TYW1B: variants seen among roughly 807,000 people sequenced by gnomAD.
TYW1B encodes the protein S-adenosyl-L-methionine-dependent tRNA 4-demethylwyosine synthase TYW1B.
TYW1B carries 73 observed loss-of-function variants against 86.9 expected under a neutral mutation model. That is an observed-to-expected ratio of 0.84 (90% CI 0.70 to 1.02). TYW1B has a LOEUF of 1.02. TYW1B is among the 50% of genes least tolerant of loss of function. The probability of loss-of-function intolerance (pLI) is 0.00; values close to 1 mark genes in which losing one functional copy is unlikely to be tolerated. For missense variants in TYW1B, 637 were observed against 827.4 expected (o/e 0.77, Z 2.82); for synonymous variants, 248 against 292.8 (o/e 0.85, Z 1.56).
intron 11 of TYW1B, among the ~76,000 whole-genome samples, chr7:72,672,292 G>A (rs1445043420): frequency 6.6e-6 from 1 of 151,918 alleles, no homozygotes; most frequent in Non-Finnish European, 1.5e-5. Context: ...AGTCTCGGGT[G>A]TGTCTTTATC....
chr7:72,661,819 T>G (rs1813335803), intron 11 of TYW1B, among the ~76,000 whole-genome samples: 1 of 151,952 alleles, frequency 6.6e-6, no homozygotes, highest in Non-Finnish European at 1.5e-5. Context: ...GGGCAGGTGG[T>G]AGTTTTTTTG....
At chr7:72,693,455 C>T (rs1814224513) in intron 11 of TYW1B, among the ~76,000 whole-genome samples, 1 of 145,908 alleles carries the variant, frequency 6.9e-6, no homozygotes, top group Non-Finnish European at 1.5e-5. Flanking sequence ...GTCACCCACA[C>T]TGGAGTGCAG....
intron 6 of TYW1B, among the ~76,000 whole-genome samples, chr7:72,788,328 C>G (rs1286372542): frequency 6.6e-6 from 1 of 152,098 alleles, no homozygotes; most frequent in Non-Finnish European, 1.5e-5. Context: ...AATACAAAAG[C>G]TACTAAAAAT....
chr7:72,644,106 T>C (rs1388911821), intron 11 of TYW1B, among the ~76,000 whole-genome samples: 1 of 152,164 alleles, frequency 6.6e-6, no homozygotes, highest in Non-Finnish European at 1.5e-5. Flanking sequence ...ATCAACGCAA[T>C]TCACCATATT....
At chr7:72,607,171 T>A (rs76770133) in intron 13 of TYW1B, among the ~76,000 whole-genome samples, 14,070 of 151,550 alleles carry the variant, frequency 0.093, 811 homozygotes, top group African/African-American at 0.15. Flanking sequence ...GATGGGTGGA[T>A]CACTGGAAGC....
At chr7:72,584,460 A>G (rs1333652317) in intron 13 of TYW1B, among the ~76,000 whole-genome samples, 2 of 142,640 alleles carry the variant, frequency 1.4e-5, no homozygotes, top group African/African-American at 5.1e-5. Flanking sequence ...GTATATTCCA[A>G]TTTTTTTTTT....
intron 11 of TYW1B, among the ~76,000 whole-genome samples, chr7:72,632,479 T>C (rs1399961967): frequency 8.2e-6 from 1 of 121,822 alleles, no homozygotes; most frequent in Non-Finnish European, 1.6e-5. Context: ...ATATAAAATA[T>C]ATATATACAC....
intron 11 of TYW1B, among the ~76,000 whole-genome samples, chr7:72,663,248 A>G (rs1813378252): frequency 6.6e-6 from 1 of 152,196 alleles, no homozygotes; most frequent in South Asian, 2.1e-4. Context: ...GCAATGGGTC[A>G]CCATCATTTT....
chr7:72,777,567 G>T (rs1554470811), intron 6 of TYW1B, 34 bp from the exon 7 acceptor site: 1 of 1,611,678 alleles, frequency 6.2e-7, no homozygotes, highest in Admixed American at 1.7e-5. Flanking sequence ...ATCCAGAATT[G>T]GCAATGTGCA....
chr7:72,809,512 G>C (rs1282756028), intron 4 of TYW1B, among the ~76,000 whole-genome samples: 3 of 152,004 alleles, frequency 2.0e-5, no homozygotes, highest in Non-Finnish European at 4.4e-5. Context: ...GATTAGCCAG[G>C]GGTAGTGGTG....
chr7:72,748,405 C>A lies in TYW1B; in HGVS notation c.965-3804G>T, dbSNP rs369777234. Among the ~76,000 whole-genome samples the A allele has an allele frequency of 7.4e-4, 112 of 152,022 alleles. 1 individual carries two copies. Among genetic ancestry groups the A allele is most frequent in the African/African-American group, 2.4e-3 (100 of 41,430 alleles). ...CATAACAATCATGTCACCTGCAAAA[C>A]AAGACAGCTTTATTTCTGCCTTTGC... On this transcript the variant is annotated intron_variant, in intron 7 of 13. Transcript: ENST00000620995.
At chr7:72,814,583 C>CA (rs1332324624) in intron 3 of TYW1B, among the ~76,000 whole-genome samples, 1,564 of 138,806 alleles carry the variant, frequency 0.011, 27 homozygotes, top group African/African-American at 0.038. Flanking sequence ...GACTCCGTCT[C>CA]AAAAAAAAAA....
intron 11 of TYW1B, among the ~76,000 whole-genome samples, chr7:72,670,122 C>T (rs1265406611): frequency 6.6e-6 from 1 of 152,110 alleles, no homozygotes; most frequent in Non-Finnish European, 1.5e-5. Flanking sequence ...CAGAATGAAT[C>T]CCTGTCTCTA....
At chr7:72,669,952 TAAATAAATAA>T (rs1171518099) in intron 11 of TYW1B, among the ~76,000 whole-genome samples, 1 of 149,692 alleles carries the variant, frequency 6.7e-6, no homozygotes, top group Non-Finnish European at 1.5e-5. Flanking sequence ...AATAAATAAA[TAAATAAATAA>T]ATAAATAAAT....
intron 11 of TYW1B, among the ~76,000 whole-genome samples, chr7:72,638,095 A>G (rs3015885): frequency 0.15 from 20,371 of 136,932 alleles, 2,087 homozygotes; most frequent in East Asian, 0.49. Flanking sequence ...GGGGAAAAAA[A>G]CACATGCAGA....
intron 8 of TYW1B, among the ~76,000 whole-genome samples, chr7:72,742,801 GAAAA>G (rs1366611259): frequency 6.7e-6 from 1 of 149,534 alleles, no homozygotes; most frequent in Non-Finnish European, 1.5e-5. Flanking sequence ...TTAATAACTG[GAAAA>G]AAAAAGAATT....
intron 2 of TYW1B, among the ~76,000 whole-genome samples, chr7:72,815,907 T>C (rs1212157282): frequency 6.6e-6 from 1 of 151,958 alleles, no homozygotes; most frequent in Non-Finnish European, 1.5e-5. Context: ...TACACACCTG[T>C]AGTCCCAGCT....
intron 10 of TYW1B, among the ~76,000 whole-genome samples, chr7:72,700,484 T>A (rs1390093861): frequency 6.6e-6 from 1 of 152,138 alleles, no homozygotes; most frequent in Non-Finnish European, 1.5e-5. Flanking sequence ...TTTCTTTGAT[T>A]TTCTAACAAC....
chr7:72,691,044 C>T (rs1814144775), intron 11 of TYW1B, among the ~76,000 whole-genome samples: 1 of 152,210 alleles, frequency 6.6e-6, no homozygotes. Flanking sequence ...TGAGCCACTG[C>T]GCCCAGCCAG....
Sources: gnomAD v4.1 joint callset for allele counts (sites outside exome capture counted in the v4.1 genomes callset) on GRCh38, gnomAD v4.1.1 for gene constraint, MANE v1.5 for transcripts, NCBI Gene and HGNC (gene_info 2026-07-23, HGNC 2026-07-21) for gene names.